SLC36A1: variants seen among roughly 807,000 people sequenced by gnomAD.
SLC36A1 encodes proton-coupled amino acid transporter 1.
SLC36A1 carries 30 observed loss-of-function variants against 47.5 expected under a neutral mutation model. The ratio of observed to expected loss-of-function variants is 0.63; its 90% CI spans 0.47 to 0.86. The LOEUF (loss-of-function observed/expected upper bound fraction) is 0.86, where lower values mean the gene tolerates loss of function less well. Among genes scored for constraint, SLC36A1 ranks in the 40% least tolerant of loss-of-function variants. The pLI is 0.00. For missense variants in SLC36A1, 517 were observed against 606.0 expected, an observed-to-expected ratio of 0.85 and a Z score of 1.54; for synonymous variants, 255 against 249.7, an observed-to-expected ratio of 1.02 and a Z score of -0.20.
chr5:151,551,450 C>A, the SLC36A1 span: 2 of 1,612,680 alleles, frequency 1.2e-6, no homozygotes, highest in East Asian at 2.2e-5. Context: ...CAGGGGTCCC[C>A]AGCCGAGGCC....
rs1760024622 is a variant in SLC36A1 at position 151,490,579 on chromosome 5, G to A, written c.*2325G>A. ...AGCTCTTAGCAGGATGCAGGCTATT[G>A]CTTCCACACCCCTGGCCGTGAGAAC... On this transcript the variant is annotated 3_prime_UTR_variant, in exon 11 of 11. Coordinates refer to ENST00000243389, the MANE Select transcript of SLC36A1 (RefSeq NM_078483.4). 1 of 152,334 alleles carries A rather than the reference G, an allele frequency of 6.6e-6. No homozygotes were observed. Among genetic ancestry groups the A allele is most frequent in the South Asian group, 2.1e-4 (1 of 4,826 alleles). 9.4% of individuals were successfully genotyped at this position (152,334 alleles called of 1,614,324 possible).
chr5:151,350,437 T>G, the SLC36A1 span, among the ~76,000 whole-genome samples: 26 of 152,344 alleles, frequency 1.7e-4, no homozygotes, highest in African/African-American at 6.0e-4. Context: ...TGCAGTTGAG[T>G]TATCTCTGTG....
At chr5:151,421,564 T>TG in the SLC36A1 span, among the ~76,000 whole-genome samples, 1 of 148,592 alleles carries the variant, frequency 6.7e-6, no homozygotes, top group Non-Finnish European at 1.5e-5. Flanking sequence ...TTTTTTCTTT[T>TG]TCTTTTTCTT....
chr5:151,501,431 C>T, the SLC36A1 span, among the ~76,000 whole-genome samples: 3 of 148,602 alleles, frequency 2.0e-5, no homozygotes, highest in Non-Finnish European at 4.4e-5. Context: ...ATTTAGCTGG[C>T]GACTAAGGGT....
chr5:151,482,221 C>T (rs942291578), intron 10 of SLC36A1, among the ~76,000 whole-genome samples: 1 of 152,114 alleles, frequency 6.6e-6, no homozygotes, highest in African/African-American at 2.4e-5. Context: ...TTTAGTCTTG[C>T]AGCTACAGTG....
At chr5:151,430,618 C>T in the SLC36A1 span, among the ~76,000 whole-genome samples, 1 of 152,202 alleles carries the variant, frequency 6.6e-6, no homozygotes, top group Non-Finnish European at 1.5e-5. Context: ...GCCACCGTGC[C>T]TGTCCGTAGA....
At chr5:151,546,841 C>A in the SLC36A1 span, among the ~76,000 whole-genome samples, 8 of 152,068 alleles carry the variant, frequency 5.3e-5, no homozygotes, top group African/African-American at 1.4e-4. Context: ...GCCTCAGCCT[C>A]TGGTGGGATT....
At chr5:151,512,056 G>C in the SLC36A1 span, 7 of 1,014,100 alleles carry the variant, frequency 6.9e-6, no homozygotes, top group African/African-American at 8.1e-5. This position sits in a 1 kb window ranked among gnomAD's most constrained non-coding sequence, Gnocchi z 4.1. Flanking sequence ...GGGGAAGAGA[G>C]AGAAATTTGG....
chr5:151,415,657 T>A, the SLC36A1 span, among the ~76,000 whole-genome samples: 1 of 152,182 alleles, frequency 6.6e-6, no homozygotes, highest in Non-Finnish European at 1.5e-5. Flanking sequence ...GAGGTAGAGA[T>A]TGTGTCTATT....
the SLC36A1 span, among the ~76,000 whole-genome samples, chr5:151,404,213 T>C: frequency 6.6e-6 from 1 of 152,350 alleles, no homozygotes; most frequent in Non-Finnish European, 1.5e-5. Context: ...AAGTCTGTTT[T>C]ATCTGATATT....
chr5:151,430,537 G>T, the SLC36A1 span, among the ~76,000 whole-genome samples: 1 of 151,966 alleles, frequency 6.6e-6, no homozygotes, highest in African/African-American at 2.4e-5. Flanking sequence ...TGTTGGTCAG[G>T]CTGGTCTTGA....
In SLC36A1 at chr5:151,458,777, T is replaced by TGACAG; in HGVS notation, c.-5-10_-5-9insACAGG. Reference sequence around the variant, plus strand: ...CTGCAGGAGGTCTTAATGCTGGCCCTGTCCCCCCAGCTGCCATGTCCACGC... The same window carrying TGACAG: ...CTGCAGGAGGTCTTAATGCTGGCCCTGACAGGTCCCCCCAGCTGCCATGTCCACGC... On this transcript the variant is annotated splice_polypyrimidine_tract_variant and intron_variant, in intron 1 of 10. Coordinates refer to ENST00000243389, the MANE Select transcript of SLC36A1 (RefSeq NM_078483.4). The TGACAG allele has an allele frequency of 6.2e-7, 1 of 1,612,638 alleles. No homozygotes were observed.
rs1269235380 is a variant in SLC36A1 at position 151,468,287 on chromosome 5, ATATATATTTT to A, written c.723+363_723+372del. Among the ~76,000 whole-genome samples, 475 of 101,928 alleles carry A rather than the reference ATATATATTTT, an allele frequency of 4.7e-3. 25 individuals carry two copies. Among genetic ancestry groups the A allele is most frequent in the African/African-American group, 0.018 (440 of 24,188 alleles). 66.9% of individuals were successfully genotyped at this position (101,928 alleles called of 152,430 possible). On this transcript the variant is annotated intron_variant, in intron 7 of 10. Transcript: ENST00000243389. ...AAAAAATATATATATATATATATAT[ATATATATTTT>A]ATATATATATATTTACATATATGTG...
At chr5:151,528,239 G>C in the SLC36A1 span, 1 of 1,377,688 alleles carries the variant, frequency 7.3e-7, no homozygotes, top group Non-Finnish European at 1.0e-6. Context: ...CTTTGGGCTA[G>C]CAGTGCCTGG....
chr5:151,372,525 C>G, the SLC36A1 span, among the ~76,000 whole-genome samples: 1 of 151,998 alleles, frequency 6.6e-6, no homozygotes, highest in African/African-American at 2.4e-5. Context: ...TGCACTGCGT[C>G]CTGGAACTCC....
chr5:151,376,096 C>T, the SLC36A1 span, among the ~76,000 whole-genome samples: 1 of 152,158 alleles, frequency 6.6e-6, no homozygotes, highest in Non-Finnish European at 1.5e-5. Flanking sequence ...TTGCTTTAAA[C>T]TTTTCCCTGT....
the SLC36A1 span, among the ~76,000 whole-genome samples, chr5:151,538,564 A>C: frequency 6.6e-6 from 1 of 152,060 alleles, no homozygotes; most frequent in East Asian, 1.9e-4. Context: ...TGAGAATTCA[A>C]TTTTTCTTCA....
In SLC36A1 at chr5:151,474,183, A is replaced by AAAAAAAAAAAAAAAAAATTATCTTC. The variant is rs1561770143; in HGVS notation, c.822+412_822+413insAAAAAAAAAAAAAAAAATTATCTTC. Among the ~76,000 whole-genome samples, 67 of 145,422 alleles carry AAAAAAAAAAAAAAAAAATTATCTTC rather than the reference A, an allele frequency of 4.6e-4. 1 individual carries two copies. Among genetic ancestry groups the AAAAAAAAAAAAAAAAAATTATCTTC allele is most frequent in the African/African-American group, 1.8e-3 (64 of 35,648 alleles). The stretch of plus-strand genomic sequence containing the variant: ...TCAAAAAAAAAAAAAAAAAAAAGAA[A>AAAAAAAAAAAAAAAAAATTATCTTC]TTATCTTCTGTAACTCACTGGTCAG... On this transcript the variant is annotated intron_variant, in intron 8 of 10. Transcript: ENST00000243389.
At chr5:151,443,447 C>T (rs1053499473), upstream of SLC36A1, among the ~76,000 whole-genome samples, 1 of 152,122 alleles carries the variant, frequency 6.6e-6, no homozygotes, top group Non-Finnish European at 1.5e-5. Flanking sequence ...TTCATATGCT[C>T]ACTGAGCATT....
Sources: gnomAD v4.1 joint callset for allele counts (sites outside exome capture counted in the v4.1 genomes callset) on GRCh38, gnomAD v4.1.1 for gene constraint, Gnocchi (gnomAD v3.1) non-coding constraint, MANE v1.5 for transcripts, NCBI Gene and HGNC (gene_info 2026-07-23, HGNC 2026-07-21) for gene names.